OPCML: variants seen among roughly 807,000 people sequenced by gnomAD.
OPCML encodes the protein opioid-binding protein/cell adhesion molecule.
OPCML carries 13 observed loss-of-function variants against 37.8 expected under a neutral mutation model. That is an observed-to-expected ratio of 0.34 (90% CI 0.22 to 0.55). The LOEUF (loss-of-function observed/expected upper bound fraction) is 0.55. OPCML is among the 20% of genes least tolerant of loss of function. The pLI is 0.91. For synonymous variants in OPCML, 176 were observed against 168.8 expected (o/e 1.04, Z -0.33); for missense variants, 341 against 435.6 (o/e 0.78, Z 1.93).
chr11:133,509,585 T>C (rs1948109884), intron 1 of OPCML, among the ~76,000 whole-genome samples: 1 of 152,176 alleles, frequency 6.6e-6, no homozygotes, highest in South Asian at 2.1e-4. Context: ...GAAAATCCTC[T>C]CACACTTCCT....
intron 2 of OPCML, among the ~76,000 whole-genome samples, chr11:132,912,915 C>G (rs967568127): frequency 9.9e-5 from 15 of 152,176 alleles, no homozygotes; most frequent in Admixed American, 3.9e-4. Context: ...AACTTTTCAC[C>G]ATATATCAAA....
intron 1 of OPCML, among the ~76,000 whole-genome samples, chr11:133,503,518 G>A (rs1231513507): frequency 1.3e-5 from 2 of 152,182 alleles, no homozygotes; most frequent in African/African-American, 2.4e-5. Context: ...CAGAGTGTGT[G>A]CAACTGGCAA....
At chr11:132,506,970 A>C (rs2137156033) in intron 4 of OPCML, among the ~76,000 whole-genome samples, 1 of 152,230 alleles carries the variant, frequency 6.6e-6, no homozygotes. Flanking sequence ...TCTGTTTACA[A>C]AAGCTATATC....
intron 1 of OPCML, among the ~76,000 whole-genome samples, chr11:132,956,626 C>T (rs893275647): frequency 6.6e-6 from 1 of 152,134 alleles, no homozygotes; most frequent in African/African-American, 2.4e-5. Flanking sequence ...CTGTATGCAT[C>T]CTCACCACCA....
At chr11:132,495,061 T>C (rs749253396) in intron 4 of OPCML, among the ~76,000 whole-genome samples, 5 of 152,112 alleles carry the variant, frequency 3.3e-5, no homozygotes, top group Admixed American at 6.5e-5. Context: ...GTTTACATCA[T>C]TGTCACCTCC....
At chr11:132,639,233 T>C (rs1328187229) in intron 3 of OPCML, among the ~76,000 whole-genome samples, 1 of 152,176 alleles carries the variant, frequency 6.6e-6, no homozygotes, top group East Asian at 1.9e-4. Flanking sequence ...CAGAGAGATG[T>C]GCAGAATTTA....
chr11:133,414,714 C>T (rs1022118554), intron 1 of OPCML, among the ~76,000 whole-genome samples: 3 of 152,094 alleles, frequency 2.0e-5, no homozygotes, highest in Non-Finnish European at 4.4e-5. Flanking sequence ...ATTCACAAAT[C>T]CCCCGTTCCC....
intron 3 of OPCML, among the ~76,000 whole-genome samples, chr11:132,595,463 CT>C (rs368587313): frequency 0.024 from 3,590 of 152,234 alleles, 58 homozygotes; most frequent in Middle Eastern, 0.051. Flanking sequence ...CTTTTACTTT[CT>C]TTTTTTCCCT....
chr11:133,444,996 G>C (rs4937772), intron 1 of OPCML, among the ~76,000 whole-genome samples: 823 of 80,864 alleles, frequency 0.01, 10 homozygotes, highest in African/African-American at 0.024. Flanking sequence ...AGAGACCACA[G>C]ACCATATCCA....
intron 4 of OPCML, among the ~76,000 whole-genome samples, chr11:132,482,218 T>G (rs1000582033): frequency 4.0e-5 from 6 of 151,672 alleles, no homozygotes; most frequent in Admixed American, 2.0e-4. Context: ...ATAGACGCAA[T>G]AAAAAATGAT....
At chr11:133,155,448 T>C (rs1950045494) in intron 1 of OPCML, among the ~76,000 whole-genome samples, 1 of 152,066 alleles carries the variant, frequency 6.6e-6, no homozygotes, top group African/African-American at 2.4e-5. Context: ...TCCAAACACT[T>C]TCCTACCTTG....
chr11:132,986,280 C>T (rs1411185129), intron 1 of OPCML, among the ~76,000 whole-genome samples: 1 of 152,016 alleles, frequency 6.6e-6, no homozygotes, highest in African/African-American at 2.4e-5. Context: ...GAAAATATCT[C>T]AATTTTTTTT....
intron 2 of OPCML, among the ~76,000 whole-genome samples, chr11:132,831,397 G>T (rs73585661): frequency 6.2e-4 from 95 of 152,270 alleles, no homozygotes; most frequent in African/African-American, 2.2e-3. Context: ...GCCCACAGGT[G>T]ATGAGGCACC....
At chr11:133,435,269 A>T (rs973750299) in intron 1 of OPCML, among the ~76,000 whole-genome samples, 2 of 152,198 alleles carry the variant, frequency 1.3e-5, no homozygotes, top group African/African-American at 4.8e-5. Context: ...CAAGGATTTT[A>T]TGAATGTTTA....
rs564466800 is a variant in OPCML, at chr11:133,514,537, G to A, written c.61+17727C>T. Among the ~76,000 whole-genome samples the A allele has an allele frequency of 1.5e-4, 23 of 152,258 alleles. No homozygotes were observed. The East Asian group carries it at 3.1e-3, about 20-fold the overall frequency. On this transcript the variant is annotated intron_variant, in intron 1 of 7. Coordinates refer to ENST00000524381, the MANE Select transcript of OPCML (RefSeq NM_001012393.5). ...AGGGTACTCTGAATGTCCTGCCAAC[G>A]ACCCCTTTAGGTTAGAAGTAACCTA...
chr11:133,218,207 C>T (rs895785200), intron 1 of OPCML, among the ~76,000 whole-genome samples: 6 of 151,952 alleles, frequency 3.9e-5, no homozygotes, highest in Non-Finnish European at 8.8e-5. Flanking sequence ...TTGGTGTAAT[C>T]CAAATTGGAA....
At chr11:132,694,274 C>T (rs1464768088) in intron 2 of OPCML, among the ~76,000 whole-genome samples, 1 of 142,740 alleles carries the variant, frequency 7.0e-6, no homozygotes, top group African/African-American at 2.6e-5. Context: ...TCTTGGCTCA[C>T]TGCAATCTCC....
At position 133,403,401 on chromosome 11, in the gene OPCML, G is replaced by T. The variant is rs74340061; in HGVS notation, c.61+128863C>A. On this transcript the variant is annotated intron_variant, in intron 1 of 7. Coordinates refer to ENST00000524381, the MANE Select transcript of OPCML (RefSeq NM_001012393.5). ...GATAAATGTTTATGAGTAAACGTCT[G>T]TTCAAGACCAACACAATCCTATATA... is the stretch of plus-strand genomic sequence containing the variant. Among the ~76,000 whole-genome samples the T allele has an allele frequency of 3.0e-3, 456 of 152,268 alleles. 5 individuals carry two copies. Among genetic ancestry groups the T allele is most frequent in the African/African-American group, 9.9e-3 (411 of 41,544 alleles).
chr11:133,369,691 A>G (rs1186179086), intron 1 of OPCML, among the ~76,000 whole-genome samples: 1 of 152,072 alleles, frequency 6.6e-6, no homozygotes, highest in Non-Finnish European at 1.5e-5. Context: ...ACTCTGTACC[A>G]TTCACCATAC....
Sources: gnomAD v4.1 joint callset for allele counts (sites outside exome capture counted in the v4.1 genomes callset) on GRCh38, gnomAD v4.1.1 for gene constraint, MANE v1.5 for transcripts, NCBI Gene and HGNC (gene_info 2026-07-23, HGNC 2026-07-21) for gene names.